ARB2A: variants seen among roughly 807,000 people sequenced by gnomAD.
The protein encoded by ARB2A is cotranscriptional regulator ARB2A.
chr5:93,764,566 C>G, the ARB2A span, among the ~76,000 whole-genome samples: 1 of 151,938 alleles, frequency 6.6e-6, no homozygotes, highest in Admixed American at 6.6e-5. Context: ...GCCTACCAAC[C>G]AAAAAAAGTC....
chr5:93,793,239 A>ATTTTTTTTTTTTTTTTT, the ARB2A span, among the ~76,000 whole-genome samples: 1 of 64,776 alleles, frequency 1.5e-5, no homozygotes, highest in Non-Finnish European at 2.9e-5. Context: ...CTTCTGGCTA[A>ATTTTTTTTTTTTTTTTT]TTTTTTTTTT....
At chr5:93,981,121 T>A in the ARB2A span, among the ~76,000 whole-genome samples, 1 of 151,764 alleles carries the variant, frequency 6.6e-6, no homozygotes, top group African/African-American at 2.4e-5. Flanking sequence ...GGCTGGAGTG[T>A]GCAATGGCGC....
At chr5:93,811,709 T>C in the ARB2A span, among the ~76,000 whole-genome samples, 12 of 152,124 alleles carry the variant, frequency 7.9e-5, no homozygotes, top group Non-Finnish European at 4.4e-5. Flanking sequence ...GATAACAGTA[T>C]CTCATAAAAG....
chr5:93,897,494 A>G, the ARB2A span, among the ~76,000 whole-genome samples: 5 of 152,008 alleles, frequency 3.3e-5, no homozygotes, highest in African/African-American at 1.2e-4. Flanking sequence ...TGATGCTCCC[A>G]ATAAATTAGC....
At chr5:93,904,560 T>C in the ARB2A span, among the ~76,000 whole-genome samples, 1 of 151,828 alleles carries the variant, frequency 6.6e-6, no homozygotes, top group African/African-American at 2.4e-5. Context: ...ATGATGATCT[T>C]ACATTTTACT....
the ARB2A span, among the ~76,000 whole-genome samples, chr5:93,969,288 G>A: frequency 4.6e-5 from 7 of 152,034 alleles, no homozygotes; most frequent in Admixed American, 2.6e-4. Flanking sequence ...CGACAAGACA[G>A]GAGAACTGAT....
chr5:93,784,300 G>T, the ARB2A span: 1 of 791,312 alleles, frequency 1.3e-6, no homozygotes, highest in Non-Finnish European at 2.1e-6. Context: ...GTTTGAGGAT[G>T]GGAGGTGTTA....
the ARB2A span, among the ~76,000 whole-genome samples, chr5:94,034,079 C>T: frequency 1.3e-5 from 2 of 152,198 alleles, no homozygotes; most frequent in African/African-American, 4.8e-5. Flanking sequence ...AGAAGTTGAG[C>T]AGATGCCAGT....
chr5:94,079,027 A>G, the ARB2A span, among the ~76,000 whole-genome samples: 2 of 152,316 alleles, frequency 1.3e-5, no homozygotes, highest in African/African-American at 4.8e-5. Context: ...TACCAAAATC[A>G]ATCAATTCAC....
the ARB2A span, among the ~76,000 whole-genome samples, chr5:94,042,314 C>CTTTTTTTTTTT: frequency 9.7e-6 from 1 of 103,068 alleles, no homozygotes; most frequent in African/African-American, 3.7e-5. Context: ...AAAAGATCAG[C>CTTTTTTTTTTT]TTTTTTTTTT....
chr5:94,017,475 T>G, the ARB2A span, among the ~76,000 whole-genome samples: 1 of 152,318 alleles, frequency 6.6e-6, no homozygotes, highest in Non-Finnish European at 1.5e-5. Context: ...AGATGTTATG[T>G]GAAGTATCCT....
the ARB2A span, among the ~76,000 whole-genome samples, chr5:93,851,896 T>G: frequency 2.0e-5 from 3 of 152,324 alleles, no homozygotes; most frequent in Non-Finnish European, 4.4e-5. Flanking sequence ...CTATTGTGAA[T>G]AGTGCCGCAA....
At chr5:93,907,084 T>C in the ARB2A span, among the ~76,000 whole-genome samples, 4 of 151,452 alleles carry the variant, frequency 2.6e-5, no homozygotes, top group Non-Finnish European at 5.9e-5. Flanking sequence ...GGGATGCTAC[T>C]GTGTATGGTA....
chr5:93,694,495 C>T, the ARB2A span, among the ~76,000 whole-genome samples: 1 of 152,062 alleles, frequency 6.6e-6, no homozygotes, highest in Non-Finnish European at 1.5e-5. Context: ...TGTGAAGGAC[C>T]TCTTCAAGGA....
At chr5:93,886,304 G>A in the ARB2A span, among the ~76,000 whole-genome samples, 1 of 151,716 alleles carries the variant, frequency 6.6e-6, no homozygotes, top group Non-Finnish European at 1.5e-5. Context: ...GAGGTCAGGG[G>A]TTAGAGTGGA....
chr5:93,809,406 T>A, the ARB2A span, among the ~76,000 whole-genome samples: 1 of 152,056 alleles, frequency 6.6e-6, no homozygotes, highest in African/African-American at 2.4e-5. Flanking sequence ...AAAATATTTT[T>A]AAAAAGAAAC....
chr5:93,869,985 G>C, the ARB2A span, among the ~76,000 whole-genome samples: 4 of 152,224 alleles, frequency 2.6e-5, no homozygotes, highest in Non-Finnish European at 1.5e-5. Context: ...TCTTCACATG[G>C]ACGCGTGAGA....
chr5:93,759,639 C>G, the ARB2A span, among the ~76,000 whole-genome samples: 5 of 152,076 alleles, frequency 3.3e-5, no homozygotes, highest in African/African-American at 4.8e-5. Context: ...GAATTAAAAA[C>G]AAAAATCACA....
the ARB2A span, among the ~76,000 whole-genome samples, chr5:94,108,960 A>T: frequency 1.3e-5 from 2 of 152,368 alleles, no homozygotes; most frequent in South Asian, 4.1e-4. Flanking sequence ...AGAGTTGAAC[A>T]GATATTTGCA....
Sources: gnomAD v4.1 joint callset for allele counts (sites outside exome capture counted in the v4.1 genomes callset) on GRCh38, gnomAD v4.1.1 for gene constraint, MANE v1.5 for transcripts, NCBI Gene and HGNC (gene_info 2026-07-23, HGNC 2026-07-21) for gene names.